PCDHGA3: variants seen among roughly 807,000 people sequenced by gnomAD.
PCDHGA3 encodes protocadherin gamma subfamily A, 3.
In PCDHGA3, 40 loss-of-function variants were observed where a neutral mutation model predicts 58.5. The ratio of observed to expected loss-of-function variants is 0.68; its 90% CI spans 0.53 to 0.89. The LOEUF (loss-of-function observed/expected upper bound fraction) is 0.89. Ranked by LOEUF, PCDHGA3 falls within the 40% of genes least tolerant of loss-of-function variation. PCDHGA3 has a pLI of 0.00. For synonymous variants in PCDHGA3, 530 were observed against 525.7 expected, an observed-to-expected ratio of 1.01 and a Z score of -0.11; for missense variants, 1,223 against 1,195.9, an observed-to-expected ratio of 1.02 and a Z score of -0.33.
intron 1 of PCDHGA3, chr5:141,413,678 T>G (rs201325660): frequency 5.6e-6 from 9 of 1,613,632 alleles, no homozygotes; most frequent in Non-Finnish European, 7.6e-6. Flanking sequence ...GATGTGGGCG[T>G]GAACTCCCTG....
intron 1 of PCDHGA3, chr5:141,442,367 T>C (rs1304138950): frequency 6.6e-6 from 1 of 152,282 alleles, no homozygotes; most frequent in Non-Finnish European, 1.5e-5. Flanking sequence ...TATGATGCCA[T>C]ATTCCTACCA....
Position 141,444,149 on chromosome 5 carries a change from T to C in PCDHGA3, c.2425-50658T>C, listed in dbSNP as rs180678850. On this transcript the variant is annotated intron_variant, in intron 1 of 3. Transcript: ENST00000253812. ...ACAGATATGTGTCACTTGTGTGTAC[T>C]GGATTTTTTTTTTTTTTTTTTTTTT... Among the ~76,000 whole-genome samples, 383 of 136,820 alleles carry C rather than the reference T, an allele frequency of 2.8e-3. 2 individuals carry two copies. Among genetic ancestry groups the C allele is most frequent in the Middle Eastern group, 0.012 (3 of 252 alleles). 89.8% of individuals were successfully genotyped at this position (136,820 alleles called of 152,430 possible). A position where few individuals can be genotyped will look rare whatever the true frequency, so the allele number is the denominator to read the frequency against.
At chr5:141,478,816 A>G in intron 1 of PCDHGA3, 1 of 1,450,826 alleles carries the variant, frequency 6.9e-7, no homozygotes, top group Non-Finnish European at 9.1e-7. Context: ...TATCACAACT[A>G]ACCAATCTTG....
At chr5:141,352,638 A>G (rs1197774996) in intron 1 of PCDHGA3, 1 of 1,609,254 alleles carries the variant, frequency 6.2e-7, no homozygotes, top group South Asian at 1.1e-5. Flanking sequence ...GAAGATCACA[A>G]AATCGCTTAT....
intron 1 of PCDHGA3, chr5:141,418,561 T>C: frequency 1.2e-6 from 2 of 1,614,006 alleles, no homozygotes; most frequent in Non-Finnish European, 1.7e-6. Context: ...TGGTAATAGA[T>C]GCCAATGACA....
chr5:141,404,407 T>C, intron 1 of PCDHGA3: 1 of 1,613,944 alleles, frequency 6.2e-7, no homozygotes, highest in East Asian at 2.2e-5. Flanking sequence ...ATGAGAATTC[T>C]AGAGTTATTT....
intron 3 of PCDHGA3, among the ~76,000 whole-genome samples, chr5:141,507,772 A>C (rs2099863177): frequency 6.6e-6 from 1 of 152,332 alleles, no homozygotes; most frequent in South Asian, 2.1e-4. Flanking sequence ...TGGCCCACAC[A>C]GGGCCTGACC....
intron 1 of PCDHGA3, 88 bp from the exon 2 acceptor site, chr5:141,494,719 C>T: frequency 6.2e-7 from 1 of 1,605,960 alleles, no homozygotes; most frequent in Non-Finnish European, 8.5e-7. Flanking sequence ...CCACTCCCCT[C>T]CTTCTCTCCC....
intron 1 of PCDHGA3, chr5:141,383,515 C>T (rs749503295): frequency 1.2e-6 from 2 of 1,612,350 alleles, no homozygotes; most frequent in South Asian, 2.2e-5. Flanking sequence ...GGAGGAAGAG[C>T]GGGTTCACCA....
Position 141,394,654 on chromosome 5 carries a change from C to G in PCDHGA3, c.2424+48197C>G, listed in dbSNP as rs372355655. On this transcript the variant is annotated intron_variant, in intron 1 of 3. Transcript: ENST00000253812. Reference sequence around the variant, plus strand: ...TACCGCCTGCTCAAGGCCAGCGAGCCGGGACTCTTCTCGGTGGGTCTGCAC... The same window carrying G: ...TACCGCCTGCTCAAGGCCAGCGAGCGGGGACTCTTCTCGGTGGGTCTGCAC... 47 of 1,613,236 alleles carry G rather than the reference C, an allele frequency of 2.9e-5. No homozygotes were observed. The African/African-American group carries it at 5.7e-4, about 20-fold the overall frequency.
intron 1 of PCDHGA3, chr5:141,361,442 T>A: frequency 6.2e-7 from 1 of 1,613,990 alleles, no homozygotes. Context: ...TCCTCCAGCA[T>A]AATTGTCACC....
At position 141,399,350 on chromosome 5, in the gene PCDHGA3, G is replaced by A. The variant is rs746925566; in HGVS notation, c.2424+52893G>A. On this transcript the variant is annotated intron_variant, in intron 1 of 3. Transcript: ENST00000253812. ...TTGGTAACAGATGGAACCCTAGACC[G>A]AGAGCAAACCCCGGAGTACAATGTC... is the stretch of plus-strand genomic sequence containing the variant. The A allele has an allele frequency of 6.8e-6, 11 of 1,613,966 alleles. No individual in the cohort carries two copies. The South Asian group carries it at 1.1e-4, about 16-fold the overall frequency.
At chr5:141,483,816 A>G (rs2099587505) in intron 1 of PCDHGA3, among the ~76,000 whole-genome samples, 1 of 152,172 alleles carries the variant, frequency 6.6e-6, no homozygotes, top group Admixed American at 6.5e-5. Context: ...TTTGGCAGCC[A>G]GTGTAACCTA....
intron 1 of PCDHGA3, chr5:141,352,113 G>C (rs1758920100): frequency 1.2e-6 from 2 of 1,607,616 alleles, no homozygotes; most frequent in Non-Finnish European, 1.7e-6. Context: ...CTGGGGTTGC[G>C]CACGGGTGAG....
chr5:141,359,485 A>G (rs1761228046), intron 1 of PCDHGA3, among the ~76,000 whole-genome samples: 2 of 151,316 alleles, frequency 1.3e-5, no homozygotes, highest in Non-Finnish European at 2.9e-5. Flanking sequence ...TTGTATATTC[A>G]TATTACGGAC....
intron 1 of PCDHGA3, among the ~76,000 whole-genome samples, chr5:141,435,308 A>G (rs2097757210): frequency 6.6e-6 from 1 of 152,186 alleles, no homozygotes; most frequent in African/African-American, 2.4e-5. Flanking sequence ...GTTTTAAATC[A>G]TTCATGAACT....
In PCDHGA3 at chr5:141,346,353, A is replaced by G. The variant is rs765918159; in HGVS notation, c.2320A>G (p.Asn774Asp). Reference protein sequence around the residue: ...RKSHLIFPQPNYADTLISQES... With the variant: ...RKSHLIFPQPDYADTLISQES... ...GAGCCACCTGATTTTCCCCCAGCCCAACTATGCGGACACGCTCATCAGCCA... is the reference window on the plus strand; with the variant it reads ...GAGCCACCTGATTTTCCCCCAGCCCGACTATGCGGACACGCTCATCAGCCA... The change falls in exon 1 of 4, where the codon AAC (asparagine) becomes GAC (aspartate). Residue 774 changes from asparagine to aspartate, a missense_variant. Transcript: ENST00000253812. 6.2e-7 allele frequency: 1 copy of G among 1,614,214 alleles called. No individual in the cohort carries two copies. Among genetic ancestry groups the G allele is most frequent in the South Asian group, 1.1e-5 (1 of 91,082 alleles).
chr5:141,369,901 T>G (rs1766552570), intron 1 of PCDHGA3, among the ~76,000 whole-genome samples: 1 of 152,190 alleles, frequency 6.6e-6, no homozygotes, highest in Admixed American at 6.5e-5. Context: ...TTATGACCAT[T>G]TTATGAAAAT....
At position 141,345,875 on chromosome 5, in the gene PCDHGA3, G is replaced by A. The variant is rs761228876; in HGVS notation, c.1842G>A (p.Pro614=). 12 of 1,613,368 alleles carry A rather than the reference G, an allele frequency of 7.4e-6. No individual in the cohort carries two copies. The South Asian group carries it at 9.9e-5, about 13-fold the overall frequency. The change falls in exon 1 of 4, where the codon CCG becomes CCA. Residue 614 remains proline (P), a synonymous_variant. Coordinates refer to ENST00000253812, the MANE Select transcript of PCDHGA3 (RefSeq NM_018916.4). ...LSYRLLKASE[P]GLFSVGLHTG... The stretch of plus-strand genomic sequence containing the variant: ...ACCGCCTGCTCAAGGCCAGCGAGCC[G>A]GGACTCTTCTCGGTGGGTCTGCACA...
Sources: allele counts gnomAD v4.1 joint callset (sites outside exome capture counted in the v4.1 genomes callset), GRCh38; gene constraint gnomAD v4.1.1; transcripts MANE v1.5; gene names NCBI Gene and HGNC (gene_info 2026-07-23, HGNC 2026-07-21).